IL1RAPL2: variants seen among roughly 807,000 people sequenced by gnomAD.
The protein encoded by IL1RAPL2 is interleukin 1 receptor accessory protein like 2.
IL1RAPL2 carries 3 observed loss-of-function variants against 44.1 expected under a neutral mutation model. The ratio of observed to expected loss-of-function variants is 0.07; its 90% CI spans 0.03 to 0.18. The LOEUF (loss-of-function observed/expected upper bound fraction) is 0.18. Ranked by LOEUF, IL1RAPL2 falls within the 10% of genes least tolerant of loss-of-function variation. The pLI is 1.00. For missense variants in IL1RAPL2, 391 were observed against 496.4 expected (o/e 0.79, Z 2.02); for synonymous variants, 181 against 178.8 (o/e 1.01, Z -0.10).
intron 1 of IL1RAPL2, among the ~76,000 whole-genome samples, chrX:104,592,515 C>G (rs1384463045): frequency 9.0e-6 from 1 of 110,960 alleles, no homozygotes; most frequent in Non-Finnish European, 1.9e-5. Flanking sequence ...ATCCACCCAC[C>G]CACATCCATA....
At chrX:105,206,025 G>A (rs1370788426) in intron 3 of IL1RAPL2, among the ~76,000 whole-genome samples, 1 of 110,685 alleles carries the variant, frequency 9.0e-6, no homozygotes, top group Non-Finnish European at 1.9e-5. Context: ...AGGACGTACT[G>A]ATGTCCTGGA....
intron 2 of IL1RAPL2, among the ~76,000 whole-genome samples, chrX:104,671,998 A>T (rs2036758666): frequency 9.0e-6 from 1 of 111,266 alleles, no homozygotes; most frequent in Non-Finnish European, 1.9e-5. Context: ...AACACCACCC[A>T]CCTCAGTGGT....
chrX:105,364,037 C>T (rs770956020), intron 5 of IL1RAPL2, among the ~76,000 whole-genome samples: 151 of 111,163 alleles, frequency 1.4e-3, no homozygotes, highest in African/African-American at 4.5e-3. Flanking sequence ...TTTCTTATAG[C>T]GGCTTTACAG....
intron 2 of IL1RAPL2, among the ~76,000 whole-genome samples, chrX:104,722,084 C>T (rs756050333): frequency 8.1e-5 from 9 of 110,697 alleles, no homozygotes; most frequent in South Asian, 7.6e-4. Context: ...TACTTCTAAT[C>T]GTGGTAAAAG....
In IL1RAPL2 at chrX:104,907,880, T is replaced by A. The variant is rs1472998126; in HGVS notation, c.82+248885T>A. Among the ~76,000 whole-genome samples, 4 of 110,018 alleles carry A rather than the reference T, an allele frequency of 3.6e-5. No individual in the cohort carries two copies. The East Asian group carries it at 1.1e-3, about 31-fold the overall frequency. ...CCTTGTTGACTTTCTGTCTCGTTGA[T>A]CTGTCTAATGTTGACAGTGGGGTGT... On this transcript the variant is annotated intron_variant, in intron 2 of 10. Coordinates refer to ENST00000372582, the MANE Select transcript of IL1RAPL2 (RefSeq NM_017416.2).
At chrX:105,369,448 A>C (rs770575122) in intron 5 of IL1RAPL2, among the ~76,000 whole-genome samples, 1 of 111,258 alleles carries the variant, frequency 9.0e-6, no homozygotes, top group East Asian at 2.9e-4. Flanking sequence ...GGTGAGATTG[A>C]AGCCAGTCCT....
intron 8 of IL1RAPL2, 79 bp downstream of exon 8, chrX:105,740,770 T>C: frequency 1.0e-6 from 1 of 954,930 alleles, no homozygotes; most frequent in Non-Finnish European, 1.5e-6. Flanking sequence ...CCTGGCTTTA[T>C]TTTATCATGT....
At chrX:105,741,383 G>A (rs5962578) in intron 8 of IL1RAPL2, among the ~76,000 whole-genome samples, 17,005 of 111,115 alleles carry the variant, frequency 0.15, 1,255 homozygotes, top group African/African-American at 0.29. Flanking sequence ...CCTTGCTATG[G>A]CTTTTGATTG....
intron 6 of IL1RAPL2, among the ~76,000 whole-genome samples, chrX:105,545,957 C>T (rs1315400773): frequency 9.0e-6 from 1 of 111,474 alleles, no homozygotes; most frequent in Non-Finnish European, 1.9e-5. Flanking sequence ...TGACTGCAGC[C>T]TCTAGTTAGT....
intron 2 of IL1RAPL2, among the ~76,000 whole-genome samples, chrX:104,807,621 C>G (rs1008203971): frequency 1.8e-5 from 2 of 111,473 alleles, no homozygotes; most frequent in Non-Finnish European, 3.8e-5. Flanking sequence ...AGTCTCAACC[C>G]CCCAGACGAT....
At chrX:104,969,938 G>T (rs1453940769) in intron 2 of IL1RAPL2, among the ~76,000 whole-genome samples, 1 of 110,085 alleles carries the variant, frequency 9.1e-6, no homozygotes, top group African/African-American at 3.3e-5. Context: ...TTTCCTTAAA[G>T]ATTTTTCCCT....
At chrX:105,261,415 A>G (rs887267530) in intron 4 of IL1RAPL2, among the ~76,000 whole-genome samples, 2 of 111,952 alleles carry the variant, frequency 1.8e-5, no homozygotes, top group Admixed American at 1.9e-4. Context: ...GCTTCTAGTC[A>G]GCCATCCTGG....
intron 4 of IL1RAPL2, among the ~76,000 whole-genome samples, chrX:105,245,752 A>G (rs970185557): frequency 1.8e-5 from 2 of 112,615 alleles, no homozygotes; most frequent in African/African-American, 6.4e-5. Flanking sequence ...CCTAATTTTG[A>G]TAGGATATTG....
chrX:105,135,046 CAAAA>C (rs56775338), intron 2 of IL1RAPL2, among the ~76,000 whole-genome samples: 1 of 57,503 alleles, frequency 1.7e-5, no homozygotes, highest in East Asian at 5.4e-4. Flanking sequence ...TTCAGAGCTA[CAAAA>C]AAAAAAAAAA....
At chrX:105,116,663 C>G (rs1355525168) in intron 2 of IL1RAPL2, among the ~76,000 whole-genome samples, 1 of 112,116 alleles carries the variant, frequency 8.9e-6, no homozygotes, top group Non-Finnish European at 1.9e-5. Context: ...TTAGAGGTGA[C>G]TGAAGTTTGA....
intron 2 of IL1RAPL2, among the ~76,000 whole-genome samples, chrX:104,760,673 T>C (rs1180936021): frequency 8.9e-6 from 1 of 112,078 alleles, no homozygotes; most frequent in Non-Finnish European, 1.9e-5. Context: ...CCTTCTATTT[T>C]CTGGTTATTA....
intron 4 of IL1RAPL2, among the ~76,000 whole-genome samples, chrX:105,261,905 C>G (rs2034362545): frequency 9.0e-6 from 1 of 111,695 alleles, no homozygotes; most frequent in Non-Finnish European, 1.9e-5. Context: ...TGAACTGTGA[C>G]CACAAGTGCT....
chrX:104,985,581 C>T (rs1267408817), intron 2 of IL1RAPL2, among the ~76,000 whole-genome samples: 1 of 111,537 alleles, frequency 9.0e-6, no homozygotes, highest in Non-Finnish European at 1.9e-5. Flanking sequence ...GATGGTTATT[C>T]CAACCTGTTA....
At chrX:105,610,189 A>T (rs2037325529) in intron 6 of IL1RAPL2, among the ~76,000 whole-genome samples, 1 of 111,493 alleles carries the variant, frequency 9.0e-6, no homozygotes, top group African/African-American at 3.3e-5. Flanking sequence ...GGTTTTTAGG[A>T]TAGAAGATTG....
Sources: allele counts gnomAD v4.1 joint callset (sites outside exome capture counted in the v4.1 genomes callset), GRCh38; gene constraint gnomAD v4.1.1; transcripts MANE v1.5; gene names NCBI Gene and HGNC (gene_info 2026-07-23, HGNC 2026-07-21).